Variants in GRIA1 observed in about 807,000 individuals in gnomAD.
GRIA1 encodes glutamate ionotropic receptor AMPA type subunit 1.
In GRIA1, 31 loss-of-function variants were observed where a neutral mutation model predicts 99.2. The observed-to-expected ratio is 0.31, with a 90% CI of 0.23 to 0.42. The LOEUF (loss-of-function observed/expected upper bound fraction) is 0.42, where lower values mean the gene tolerates loss of function less well. Ranked by LOEUF, GRIA1 falls within the 10% of genes least tolerant of loss-of-function variation. GRIA1 has a pLI of 1.00. For synonymous variants in GRIA1, 438 were observed against 432.4 expected (o/e 1.01, Z -0.16); for missense variants, 782 against 1,157.5 (o/e 0.68, Z 4.71).
chr5:153,683,809 C>A (rs1210903290), intron 7 of GRIA1, among the ~76,000 whole-genome samples: 1 of 152,096 alleles, frequency 6.6e-6, no homozygotes, highest in Non-Finnish European at 1.5e-5. Context: ...GCATTGAAAA[C>A]TTATGTCCCA....
At chr5:153,760,095 A>T (rs1157709734) in intron 11 of GRIA1, among the ~76,000 whole-genome samples, 1 of 152,114 alleles carries the variant, frequency 6.6e-6, no homozygotes, top group Non-Finnish European at 1.5e-5. Context: ...ATCATATTGA[A>T]TAGGGAAAAG....
intron 11 of GRIA1, among the ~76,000 whole-genome samples, chr5:153,730,901 C>G (rs979256882): frequency 3.3e-5 from 5 of 152,076 alleles, no homozygotes; most frequent in African/African-American, 4.8e-5. Context: ...GAGCCAAACC[C>G]TGTAACCTAG....
intron 2 of GRIA1, among the ~76,000 whole-genome samples, chr5:153,586,112 A>G (rs548258307): frequency 6.6e-6 from 1 of 152,332 alleles, no homozygotes; most frequent in African/African-American, 2.4e-5. Context: ...CACTCTTGTG[A>G]GCCACTATGC....
intron 11 of GRIA1, among the ~76,000 whole-genome samples, chr5:153,746,717 CGGCA>C (rs1762186926): frequency 6.6e-6 from 1 of 152,092 alleles, no homozygotes; most frequent in Admixed American, 6.5e-5. Context: ...ATGGGCCGTC[CGGCA>C]GGCAGCTATA....
chr5:153,584,650 TTCTC>T (rs1041249693), intron 2 of GRIA1, among the ~76,000 whole-genome samples: 1 of 152,218 alleles, frequency 6.6e-6, no homozygotes, highest in Non-Finnish European at 1.5e-5. Flanking sequence ...GTGCATATTT[TTCTC>T]TCTCTCCTTT....
rs560579480 is a variant in GRIA1 at position 153,765,365 on chromosome 5, G to C, written c.2022+733G>C. Among the ~76,000 whole-genome samples the C allele has an allele frequency of 1.7e-4, 26 of 152,178 alleles. No homozygotes were observed. In the East Asian group the frequency reaches 5.0e-3, roughly 29 times the overall value. The stretch of plus-strand genomic sequence containing the variant: ...AGCTTAACAAGACTAAAAGAGATAG[G>C]GTATCTAAAATTAGAGGCAAAACAA... On this transcript the variant is annotated intron_variant, in intron 12 of 15. Coordinates refer to ENST00000285900, the MANE Select transcript of GRIA1 (RefSeq NM_000827.4).
chr5:153,490,619 G>A (rs1753825581), upstream of GRIA1: 4 of 515,586 alleles, frequency 7.8e-6, no homozygotes, highest in Non-Finnish European at 1.4e-5. Context: ...AGAGGGAGTG[G>A]GGGAGCCAGC....
intron 2 of GRIA1, among the ~76,000 whole-genome samples, chr5:153,607,153 A>C (rs1765529339): frequency 6.6e-6 from 1 of 150,704 alleles, no homozygotes; most frequent in Non-Finnish European, 1.5e-5. Flanking sequence ...TGCCGCTATA[A>C]ACATGCATGT....
At chr5:153,544,034 T>C (rs1220465526) in intron 2 of GRIA1, among the ~76,000 whole-genome samples, 1 of 152,074 alleles carries the variant, frequency 6.6e-6, no homozygotes, top group Non-Finnish European at 1.5e-5. Flanking sequence ...TAAGGTGATA[T>C]CTGAGCAGGG....
intron 2 of GRIA1, among the ~76,000 whole-genome samples, chr5:153,507,980 C>T (rs1755701537): frequency 6.6e-6 from 1 of 152,150 alleles, no homozygotes; most frequent in Admixed American, 6.6e-5. Flanking sequence ...CATTGAGCAC[C>T]CACTCTCTAC....
intron 11 of GRIA1, among the ~76,000 whole-genome samples, chr5:153,721,809 T>C (rs889950337): frequency 6.6e-6 from 1 of 152,232 alleles, no homozygotes; most frequent in Non-Finnish European, 1.5e-5. Context: ...CCATTATAAA[T>C]AGGGCTGCTG....
chr5:153,725,677 C>G (rs1266977584), intron 11 of GRIA1, among the ~76,000 whole-genome samples: 2 of 105,340 alleles, frequency 1.9e-5, no homozygotes, highest in Non-Finnish European at 3.7e-5. Context: ...ATCAATTCAA[C>G]AAGAAGAGCT....
intron 11 of GRIA1, among the ~76,000 whole-genome samples, chr5:153,741,989 C>G (rs934750499): frequency 4.0e-5 from 6 of 150,758 alleles, no homozygotes; most frequent in Admixed American, 6.6e-5. Flanking sequence ...AAGCCAAGAT[C>G]TGGGGATTTG....
chr5:153,749,299 G>A (rs1316395787), intron 11 of GRIA1, among the ~76,000 whole-genome samples: 1 of 152,086 alleles, frequency 6.6e-6, no homozygotes, highest in East Asian at 1.9e-4. Flanking sequence ...CCCTTTTTCA[G>A]GTATGAAAAC....
At position 153,770,064 on chromosome 5, in the gene GRIA1, C is replaced by T. The variant is rs898689669; in HGVS notation, c.2023-104C>T. 80 of 1,139,878 alleles carry T rather than the reference C, an allele frequency of 7.0e-5. 1 individual carries two copies. The South Asian group carries it at 9.5e-4, about 14-fold the overall frequency. 70.6% of individuals were successfully genotyped at this position (1,139,878 alleles called of 1,614,324 possible). ...AATTTGTTTCTTCCTGAGCTAATCT[C>T]GCTCATGAATGTGTGATCAAGCTAC... On this transcript the variant is annotated intron_variant, in intron 12 of 15. Coordinates refer to ENST00000285900, the MANE Select transcript of GRIA1 (RefSeq NM_000827.4).
intron 11 of GRIA1, among the ~76,000 whole-genome samples, chr5:153,751,237 C>T (rs1398874289): frequency 5.3e-5 from 8 of 152,238 alleles, no homozygotes; most frequent in Non-Finnish European, 1.2e-4. Flanking sequence ...AATGACAGTG[C>T]CCTCTGCTTT....
At chr5:153,792,312 C>A (rs1323979044) in intron 13 of GRIA1, among the ~76,000 whole-genome samples, 2 of 152,174 alleles carry the variant, frequency 1.3e-5, no homozygotes, top group Admixed American at 1.3e-4. Context: ...ACACTATTGA[C>A]CCCAAACAGG....
chr5:153,534,102 G>A (rs971620399), intron 2 of GRIA1, among the ~76,000 whole-genome samples: 4 of 152,156 alleles, frequency 2.6e-5, no homozygotes, highest in African/African-American at 9.7e-5. Context: ...ATGCTGCCTC[G>A]GAAATGTCAC....
intron 13 of GRIA1, among the ~76,000 whole-genome samples, chr5:153,786,174 C>T (rs1265670156): frequency 1.3e-5 from 2 of 152,082 alleles, no homozygotes; most frequent in African/African-American, 4.8e-5. Flanking sequence ...CCTCTCTCTG[C>T]TTAAAAACCT....
Sources: allele counts gnomAD v4.1 joint callset (sites outside exome capture counted in the v4.1 genomes callset), GRCh38; gene constraint gnomAD v4.1.1; transcripts MANE v1.5; gene names NCBI Gene and HGNC (gene_info 2026-07-23, HGNC 2026-07-21).